The following BEND3 variants were observed in gnomAD, a reference collection of about 807,000 sequenced individuals.
BEND3 encodes BEN domain-containing protein 3.
In BEND3, 13 loss-of-function variants were observed where a neutral mutation model predicts 60.1. The observed-to-expected ratio is 0.22, with a 90% CI of 0.14 to 0.34. The LOEUF (loss-of-function observed/expected upper bound fraction) is 0.34. BEND3 is among the 10% of genes least tolerant of loss of function. The pLI, the probability that BEND3 is intolerant of heterozygous loss-of-function variation, is 1.00. For synonymous variants in BEND3, 497 were observed against 491.5 expected, an observed-to-expected ratio of 1.01 and a Z score of -0.15; for missense variants, 896 against 1,138.1, an observed-to-expected ratio of 0.79 and a Z score of 3.06.
chr6:107,110,905 T>G (rs553734670), intron 1 of BEND3, among the ~76,000 whole-genome samples: 19 of 150,438 alleles, frequency 1.3e-4, no homozygotes, highest in African/African-American at 4.6e-4. Flanking sequence ...GGCTCACACC[T>G]GCAATCCCAG....
At chr6:107,078,556 G>GCA in intron 3 of BEND3, among the ~76,000 whole-genome samples, 1 of 145,732 alleles carries the variant, frequency 6.9e-6, no homozygotes, top group Non-Finnish European at 1.5e-5. Flanking sequence ...CTGGGTTCAT[G>GCA]CCATTCTCCT....
At chr6:107,105,625 C>A (rs903655578) in intron 1 of BEND3, among the ~76,000 whole-genome samples, 4 of 152,208 alleles carry the variant, frequency 2.6e-5, no homozygotes, top group Non-Finnish European at 5.9e-5. Flanking sequence ...CTAATCAGAG[C>A]TGCCAGAGGC....
chr6:107,114,203 G>A (rs1261922939), intron 1 of BEND3: 1 of 152,268 alleles, frequency 6.6e-6, no homozygotes, highest in African/African-American at 2.4e-5. Flanking sequence ...ATGAGGCAAG[G>A]GCAAAGCATG....
At position 107,068,767 on chromosome 6, in the gene BEND3, C is replaced by T. The variant is rs146670924; in HGVS notation, c.2424G>A (p.Arg808=). ...ATTTTTTCCTGTTGGGGCGGCGGCA[C>T]CTCTCATCGATGCTGGGGATACATT... ...HYECIPSIDE[R]CRRPNRKKCD... The change falls in exon 4 of 4, where the codon AGG becomes AGA. Residue 808 remains arginine, a synonymous_variant. Transcript: ENST00000369042. The surrounding 1 kb of genome is among the most constrained non-coding windows in gnomAD (Gnocchi z 5.8). The T allele has an allele frequency of 2.5e-6, 4 of 1,613,890 alleles. No homozygotes were observed. The highest frequency in any genetic ancestry group is 2.7e-5 in the African/African-American group (2 of 74,916).
At chr6:107,082,283 A>C (rs193169963) in intron 3 of BEND3, among the ~76,000 whole-genome samples, 1 of 152,286 alleles carries the variant, frequency 6.6e-6, no homozygotes, top group Admixed American at 6.5e-5. Flanking sequence ...CGTAAAGGGA[A>C]GCTCCAATCA....
In BEND3 at chr6:107,115,388, G is replaced by C. The variant is rs1554239238; in HGVS notation, c.-310C>G. On this transcript the variant is annotated 5_prime_UTR_variant, in exon 1 of 4. Transcript: ENST00000369042. The stretch of plus-strand genomic sequence containing the variant: ...ACCCCTCCGCCCCCACCCCCGGCCC[G>C]CCCCTCCCCCTCAGCGGGGCACACG... The C allele has an allele frequency of 1.3e-5, 2 of 148,868 alleles. No homozygotes were observed. The highest frequency in any genetic ancestry group is 2.0e-4 in the East Asian group (1 of 5,104). 9.2% of individuals were successfully genotyped at this position (148,868 alleles called of 1,614,324 possible).
At chr6:107,085,650 C>G (rs910235921) in intron 3 of BEND3, among the ~76,000 whole-genome samples, 4 of 151,772 alleles carry the variant, frequency 2.6e-5, no homozygotes, top group African/African-American at 7.3e-5. Flanking sequence ...TGCCACCACG[C>G]CTGACTAATT....
chr6:107,098,833 T>C (rs1775644551), intron 2 of BEND3, 80 bp from the exon 3 acceptor site: 1 of 1,261,116 alleles, frequency 7.9e-7, no homozygotes, highest in Non-Finnish European at 1.1e-6. Flanking sequence ...AGCAGCAGGG[T>C]GTCTGTGGGC....
intron 3 of BEND3, among the ~76,000 whole-genome samples, chr6:107,090,437 A>G (rs1775451389): frequency 6.6e-6 from 1 of 152,248 alleles, no homozygotes; most frequent in Non-Finnish European, 1.5e-5. Flanking sequence ...TGTCAGAAAC[A>G]TGAATCTACA....
At chr6:107,087,785 G>T (rs1431942223) in intron 3 of BEND3, among the ~76,000 whole-genome samples, 1 of 134,798 alleles carries the variant, frequency 7.4e-6, no homozygotes, top group Non-Finnish European at 1.5e-5. Context: ...ACACACAAAT[G>T]AAAATACTTT....
rs1554231907 is a variant in BEND3 at position 107,070,710 on chromosome 6, C to T, written c.481G>A (p.Ala161Thr). The T allele has an allele frequency of 5.0e-6, 8 of 1,613,422 alleles. No homozygotes were observed. In the East Asian group the frequency reaches 6.7e-5, roughly 13 times the overall value. The change falls in exon 4 of 4, where the codon GCC (alanine) becomes ACC (threonine). Residue 161 changes from alanine to threonine, a missense_variant. Physicochemically the swap from Ala to Thr is moderately conservative, Grantham distance 58. Coordinates refer to ENST00000369042, the MANE Select transcript of BEND3 (RefSeq NM_001367314.1). This position sits in a 1 kb window ranked among gnomAD's most constrained non-coding sequence, Gnocchi z 6.9. ...NVYELFEKAN[A>T]SNSPSSLRLL... ...CGCAGTGACGAGGGGCTGTTGCTGGCGTTTGCCTTCTCAAAGAGCTCGTAC... is the reference window on the plus strand; with the variant it reads ...CGCAGTGACGAGGGGCTGTTGCTGGTGTTTGCCTTCTCAAAGAGCTCGTAC...
In BEND3 at chr6:107,066,113, A is replaced by AAAAAAT. The variant is rs1562294783; in HGVS notation, c.*2590_*2591insATTTTT. 1 of 142,736 alleles carries AAAAAAT rather than the reference A, an allele frequency of 7.0e-6. No individual in the cohort carries two copies. 8.8% of individuals were successfully genotyped at this position (142,736 alleles called of 1,614,324 possible). ...CAAGGCCAAAAAAAAAAAAAAAAAAATCCAAAAAACAAACAACTAAAAACC... is the reference window on the plus strand; with the variant it reads ...CAAGGCCAAAAAAAAAAAAAAAAAAAAAAAATTCCAAAAAACAAACAACTAAAAACC... On this transcript the variant is annotated 3_prime_UTR_variant, in exon 4 of 4. Coordinates refer to ENST00000369042, the MANE Select transcript of BEND3 (RefSeq NM_001367314.1).
At chr6:107,089,841 C>T (rs1480713150) in intron 3 of BEND3, among the ~76,000 whole-genome samples, 1 of 151,130 alleles carries the variant, frequency 6.6e-6, no homozygotes, top group Non-Finnish European at 1.5e-5. Context: ...ATGATTCACT[C>T]ACCTCAGCCT....
intron 1 of BEND3, among the ~76,000 whole-genome samples, chr6:107,112,976 G>A (rs1770149580): frequency 6.6e-6 from 1 of 150,674 alleles, no homozygotes; most frequent in South Asian, 2.1e-4. Flanking sequence ...GGCTAACACG[G>A]TGAAAGCCCG....
At chr6:107,110,497 T>C (rs1421943742) in intron 1 of BEND3, among the ~76,000 whole-genome samples, 1 of 152,184 alleles carries the variant, frequency 6.6e-6, no homozygotes, top group Non-Finnish European at 1.5e-5. Context: ...GGAAAGAGAC[T>C]GTCAGAGCAA....
chr6:107,114,399 A>T (rs567956650), intron 1 of BEND3: 1 of 152,088 alleles, frequency 6.6e-6, no homozygotes, highest in Non-Finnish European at 1.5e-5. Context: ...ACGGCCGGGA[A>T]GGGAGCGCTG....
chr6:107,070,360 C>G lies in BEND3; in HGVS notation c.831G>C (p.Glu277Asp). ...GGGAGAAGTCCACGTCGCTGAAGAG[C>G]TCGGGGAAGAGCTGCACCAGCAAGC... Reference protein sequence around the residue: ...ACRLLVQLFPELFSDVDFSRG... With the variant: ...ACRLLVQLFPDLFSDVDFSRG... Residue 277 changes from glutamate to aspartate, a missense_variant, in exon 4 of 4, where the codon GAG becomes GAC. Glu to Asp is a conservative substitution (Grantham distance 45, BLOSUM62 2). Coordinates refer to ENST00000369042, the MANE Select transcript of BEND3 (RefSeq NM_001367314.1). The surrounding 1 kb of genome is among the most constrained non-coding windows in gnomAD (Gnocchi z 6.9). 6.2e-7 allele frequency: 1 copy of G among 1,613,526 alleles called. No individual in the cohort carries two copies. The highest frequency in any genetic ancestry group is 8.5e-7 in the Non-Finnish European group (1 of 1,180,036).
intron 1 of BEND3, among the ~76,000 whole-genome samples, chr6:107,113,720 C>T (rs1035157108): frequency 6.6e-6 from 1 of 151,796 alleles, no homozygotes; most frequent in Non-Finnish European, 1.5e-5. Context: ...TTGACAGGCT[C>T]TTGTATGGTA....
chr6:107,113,437 C>CAAAAAAA (rs1158122732), intron 1 of BEND3, among the ~76,000 whole-genome samples: 20 of 13,058 alleles, frequency 1.5e-3, no homozygotes, highest in African/African-American at 4.4e-3. Context: ...GACTCCGTCT[C>CAAAAAAA]AAAAAAAAAA....
Sources: gnomAD v4.1 joint callset for allele counts (sites outside exome capture counted in the v4.1 genomes callset) on GRCh38, gnomAD v4.1.1 for gene constraint, Gnocchi (gnomAD v3.1) non-coding constraint, MANE v1.5 for transcripts, NCBI Gene and HGNC (gene_info 2026-07-23, HGNC 2026-07-21) for gene names.